Variants in PSMA2 observed in about 807,000 individuals in gnomAD.
PSMA2 encodes proteasome subunit alpha type-2.
PSMA2 carries 2 observed loss-of-function variants against 35.9 expected under a neutral mutation model. That is an observed-to-expected ratio of 0.06 (90% CI 0.02 to 0.18). PSMA2 has a LOEUF of 0.18. Among genes scored for constraint, PSMA2 ranks in the 10% least tolerant of loss-of-function variants. PSMA2 has a pLI of 1.00. For missense variants in PSMA2, 126 were observed against 278.8 expected (o/e 0.45, Z 3.90); for synonymous variants, 97 against 98.2 (o/e 0.99, Z 0.07).
chr7:42,917,375 CTG>C lies in PSMA2; in HGVS notation c.*197_*198del, dbSNP rs1224639044. 1 of 472,602 alleles carries C rather than the reference CTG, an allele frequency of 2.1e-6. No individual in the cohort carries two copies. Among genetic ancestry groups the C allele is most frequent in the Non-Finnish European group, 3.8e-6 (1 of 265,794 alleles). The allele number at this position is 472,602 out of a possible 1,614,324, so 29.3% of individuals were successfully genotyped here. A position where few individuals can be genotyped will look rare whatever the true frequency, so the allele number is the denominator to read the frequency against. ...AACTGTGATAAAAAGCAGGAAATAA[CTG>C]TTAAAATTTTAGCAACTCCTAAAAG... On this transcript the variant is annotated 3_prime_UTR_variant, in exon 8 of 8. Transcript: ENST00000223321.
At chr7:42,920,121 A>C (rs758764161) in intron 6 of PSMA2, 1 of 467,078 alleles carries the variant, frequency 2.1e-6, no homozygotes, top group Non-Finnish European at 3.9e-6. Flanking sequence ...GACAGCATAC[A>C]ACTGGACTAG....
chr7:42,926,255 A>C (rs972964329), intron 3 of PSMA2, among the ~76,000 whole-genome samples: 1 of 152,260 alleles, frequency 6.6e-6, no homozygotes, highest in Non-Finnish European at 1.5e-5. Context: ...GTTCCTGGAT[A>C]GTAGAAGAGG....
At chr7:42,924,962 A>C in intron 3 of PSMA2, among the ~76,000 whole-genome samples, 165 bp from the exon 4 acceptor site, 1 of 152,194 alleles carries the variant, frequency 6.6e-6, no homozygotes, top group East Asian at 1.9e-4. Context: ...ATTCCAGTTG[A>C]TATAGAAGAA....
At chr7:42,921,821 G>C (rs1562700987) in intron 6 of PSMA2, 37 bp downstream of exon 6, 2 of 1,538,452 alleles carry the variant, frequency 1.3e-6, no homozygotes, top group Non-Finnish European at 1.8e-6. Context: ...CATAAAGTGA[G>C]TTTGCTAAAG....
intron 5 of PSMA2, 77 bp from the exon 6 acceptor site, chr7:42,922,008 A>G: frequency 8.9e-7 from 1 of 1,127,524 alleles, no homozygotes; most frequent in Non-Finnish European, 1.3e-6. Flanking sequence ...TTTAATTTTT[A>G]GCTTTATTAA....
At chr7:42,931,905 C>A (rs2128675405) in intron 1 of PSMA2, among the ~76,000 whole-genome samples, 1 of 41,922 alleles carries the variant, frequency 2.4e-5, no homozygotes, top group African/African-American at 6.5e-5. Flanking sequence ...CCCGCAAAAC[C>A]GCATCCCCCC....
chr7:42,924,818 T>C, intron 3 of PSMA2, 21 bp from the exon 4 acceptor site: 2 of 1,600,702 alleles, frequency 1.2e-6, no homozygotes, highest in South Asian at 2.2e-5. Flanking sequence ...AAAAATAAGA[T>C]TTAATTACAC....
chr7:42,917,917 G>A (rs1583604164), intron 6 of PSMA2, 82 bp from the exon 7 acceptor site: 1 of 969,778 alleles, frequency 1.0e-6, no homozygotes, highest in South Asian at 1.7e-5. Flanking sequence ...AACAACGTAA[G>A]TTTTTAAAAC....
chr7:42,927,337 G>T, intron 2 of PSMA2, 46 bp downstream of exon 2: 1 of 1,495,418 alleles, frequency 6.7e-7, no homozygotes, highest in South Asian at 1.1e-5. Context: ...AAAATAATTA[G>T]GATAACTACT....
intron 6 of PSMA2, chr7:42,919,067 G>T: frequency 3.4e-6 from 1 of 297,794 alleles, no homozygotes; most frequent in South Asian, 3.6e-5. Flanking sequence ...CAGGTGATCC[G>T]CCTGCCTTGG....
At chr7:42,924,636 A>G in intron 4 of PSMA2, 39 bp downstream of exon 4, 4 of 1,586,090 alleles carry the variant, frequency 2.5e-6, no homozygotes, top group Non-Finnish European at 2.6e-6. Flanking sequence ...ACTTCCCCCT[A>G]CAATTCATGG....
At chr7:42,917,864 T>C in intron 6 of PSMA2, 29 bp from the exon 7 acceptor site, 1 of 1,402,324 alleles carries the variant, frequency 7.1e-7, no homozygotes, top group Non-Finnish European at 9.6e-7. Flanking sequence ...ATTACTTATA[T>C]CATTGTTTAT....
rs891204507 is a variant in PSMA2, at chr7:42,917,066, G to A, written c.*508C>T. 6.5e-6 allele frequency: 1 copy of A among 153,342 alleles called. No homozygotes were observed. Among genetic ancestry groups the A allele is most frequent in the African/African-American group, 2.4e-5 (1 of 41,530 alleles). The allele number at this position is 153,342 out of a possible 1,614,324, so 9.5% of individuals were successfully genotyped here. A position where few individuals can be genotyped will look rare whatever the true frequency, so the allele number is the denominator to read the frequency against. Reference sequence around the variant, plus strand: ...CTATTTGGCTTACCACTCTTCATAGGCCTAGTACAATCTCATAGAGCACCC... The same window carrying A: ...CTATTTGGCTTACCACTCTTCATAGACCTAGTACAATCTCATAGAGCACCC... On this transcript the variant is annotated 3_prime_UTR_variant, in exon 8 of 8. Coordinates refer to ENST00000223321, the MANE Select transcript of PSMA2 (RefSeq NM_002787.5).
intron 1 of PSMA2, chr7:42,931,210 T>C (rs868321325): frequency 8.9e-5 from 39 of 440,542 alleles, no homozygotes; most frequent in African/African-American, 6.3e-4. Flanking sequence ...TAAGGTTAAG[T>C]TGCACCTAAC....
chr7:42,919,793 T>A (rs1260100552), intron 6 of PSMA2: 1 of 675,336 alleles, frequency 1.5e-6, no homozygotes, highest in East Asian at 2.7e-5. Context: ...CTTATAAGTA[T>A]GATGATAATA....
At position 42,917,003 on chromosome 7, in the gene PSMA2, T is replaced by C. The variant is rs935318144; in HGVS notation, c.*571A>G. ...GACACCAACAGGAACCAGCAAACCA[T>C]TGTTTATTTATTTACATAATGTATC... On this transcript the variant is annotated 3_prime_UTR_variant, in exon 8 of 8. Transcript: ENST00000223321. The C allele has an allele frequency of 6.6e-5, 10 of 152,294 alleles. No individual in the cohort carries two copies. The East Asian group carries it at 1.2e-3, about 18-fold the overall frequency. The allele number at this position is 152,294 out of a possible 1,614,324, so 9.4% of individuals were successfully genotyped here. A position where few individuals can be genotyped will look rare whatever the true frequency, so the allele number is the denominator to read the frequency against.
rs373907182 is a variant in PSMA2 at position 42,924,874 on chromosome 7, T to C, written c.252-77A>G. On this transcript the variant is annotated intron_variant, in intron 3 of 7. Coordinates refer to ENST00000223321, the MANE Select transcript of PSMA2 (RefSeq NM_002787.5). ...AAGACTCATTCTCCTTTTACAGGCA[T>C]GTACCTGCAGCACAAGTTTAACATG... 248 of 1,412,326 alleles carry C rather than the reference T, an allele frequency of 1.8e-4. 1 individual carries two copies. In the African/African-American group the frequency reaches 2.9e-3, roughly 17 times the overall value. The allele number at this position is 1,412,326 out of a possible 1,614,324, so 87.5% of individuals were successfully genotyped here. A position where few individuals can be genotyped will look rare whatever the true frequency, so the allele number is the denominator to read the frequency against.
rs755065624 is a variant in PSMA2 at position 42,917,859 on chromosome 7, T to C, written c.531-24A>G. 3.5e-6 allele frequency: 5 copies of C among 1,409,444 alleles called. No individual in the cohort carries two copies. The Admixed American group carries it at 1.1e-4, about 30-fold the overall frequency. 87.3% of individuals were successfully genotyped at this position (1,409,444 alleles called of 1,614,324 possible). On this transcript the variant is annotated intron_variant, in intron 6 of 7. Coordinates refer to ENST00000223321, the MANE Select transcript of PSMA2 (RefSeq NM_002787.5). ...ATCTGAAGAATTTAAAAAAAATTAC[T>C]TATATCATTGTTTATATTCTTTATA...
At chr7:42,918,141 A>G (rs626614) in intron 6 of PSMA2, 163,375 of 165,796 alleles carry the variant, frequency 0.99, 80,556 homozygotes, top group East Asian at 1. Context: ...GGCTCATGCC[A>G]TTCTCCTGCC....
Sources: allele counts gnomAD v4.1 joint callset (sites outside exome capture counted in the v4.1 genomes callset), GRCh38; gene constraint gnomAD v4.1.1; transcripts MANE v1.5; gene names NCBI Gene and HGNC (gene_info 2026-07-23, HGNC 2026-07-21).